Variants in KLF7 observed in about 807,000 individuals in gnomAD.
KLF7 encodes the protein KLF transcription factor 7, also known as Krueppel-like factor 7.
A neutral mutation model predicts 27.3 loss-of-function variants in KLF7; 2 were observed. The ratio of observed to expected loss-of-function variants is 0.07; its 90% CI spans 0.03 to 0.23. The LOEUF (loss-of-function observed/expected upper bound fraction) is 0.23, where lower values mean the gene tolerates loss of function less well. Ranked by LOEUF, KLF7 falls within the 10% of genes least tolerant of loss-of-function variation. KLF7 has a pLI of 1.00. For synonymous variants in KLF7, 165 were observed against 162.4 expected, an observed-to-expected ratio of 1.02 and a Z score of -0.12; for missense variants, 221 against 394.1, an observed-to-expected ratio of 0.56 and a Z score of 3.72.
chr2:207,097,732 C>T (rs6759901), intron 2 of KLF7, among the ~76,000 whole-genome samples: 75,797 of 152,122 alleles, frequency 0.5, 20,070 homozygotes, highest in Middle Eastern at 0.65. Flanking sequence ...GATGCTGAAA[C>T]AAATTTAGCT....
intron 2 of KLF7, among the ~76,000 whole-genome samples, chr2:207,103,023 G>A (rs1306066058): frequency 6.6e-6 from 1 of 152,164 alleles, no homozygotes; most frequent in African/African-American, 2.4e-5. Flanking sequence ...CCCCTCCCTG[G>A]TTCAAGTGAT....
chr2:207,140,133 C>G (rs1282514830), intron 1 of KLF7, among the ~76,000 whole-genome samples: 1 of 152,128 alleles, frequency 6.6e-6, no homozygotes, highest in African/African-American at 2.4e-5. Flanking sequence ...GTGGTCCGCC[C>G]ACCTCGGCCT....
chr2:207,114,097 C>T (rs1559132414), intron 2 of KLF7, among the ~76,000 whole-genome samples: 3 of 152,206 alleles, frequency 2.0e-5, no homozygotes, highest in African/African-American at 7.2e-5. Context: ...TAATACATAC[C>T]GTCATTTTGC....
upstream of KLF7, chr2:207,167,057 G>A: frequency 8.3e-7 from 1 of 1,204,856 alleles, no homozygotes; most frequent in Non-Finnish European, 1.1e-6. Flanking sequence ...GTGCGTTAAA[G>A]AGGCTAGAGG....
intron 1 of KLF7, among the ~76,000 whole-genome samples, chr2:207,161,107 C>T (rs918364265): frequency 6.6e-6 from 1 of 152,166 alleles, no homozygotes; most frequent in Non-Finnish European, 1.5e-5. Flanking sequence ...ATGTTTGAAG[C>T]CCCTAAATCT....
intron 1 of KLF7, among the ~76,000 whole-genome samples, chr2:207,165,197 C>T (rs768476110): frequency 3.9e-5 from 6 of 152,086 alleles, no homozygotes; most frequent in Non-Finnish European, 7.4e-5. Flanking sequence ...ACAGCAAACC[C>T]GACAACGTGT....
chr2:207,124,903 A>G (rs2077439664), intron 1 of KLF7, among the ~76,000 whole-genome samples: 3 of 152,230 alleles, frequency 2.0e-5, no homozygotes, highest in Admixed American at 2.0e-4. Context: ...GTTCACTCAA[A>G]CTAAGAGGTG....
At chr2:207,162,651 T>C (rs2078582860) in intron 1 of KLF7, among the ~76,000 whole-genome samples, 2 of 152,242 alleles carry the variant, frequency 1.3e-5, no homozygotes, top group Non-Finnish European at 2.9e-5. Flanking sequence ...GTCAGTGACT[T>C]TGTCACAGGC....
upstream of KLF7, chr2:207,167,118 G>C: frequency 1.4e-6 from 2 of 1,431,412 alleles, no homozygotes; most frequent in Non-Finnish European, 1.8e-6. Flanking sequence ...TTGCGAGGGG[G>C]CCTTTACGTG....
chr2:207,126,164 G>C (rs2077471333), intron 1 of KLF7, among the ~76,000 whole-genome samples: 1 of 152,078 alleles, frequency 6.6e-6, no homozygotes, highest in African/African-American at 2.4e-5. Context: ...CTTCTTTTCT[G>C]AACTCCACTT....
Position 207,108,017 on chromosome 2 carries a change from C to T in KLF7, c.733+15757G>A, listed in dbSNP as rs201101265. On this transcript the variant is annotated intron_variant, in intron 2 of 3. Transcript: ENST00000309446. ...AACAGATTTTTAAAAAAATGCTTAA[C>T]GGTGAGCTTGTGGTAATTGATCCCA... Among the ~76,000 whole-genome samples, 46 of 152,298 alleles carry T rather than the reference C, an allele frequency of 3.0e-4. No individual in the cohort carries two copies. The East Asian group carries it at 3.3e-3, about 11-fold the overall frequency.
At position 207,159,173 on chromosome 2, in the gene KLF7, A is replaced by G. The variant is rs1356575568; in HGVS notation, c.102+6294T>C. Among the ~76,000 whole-genome samples the G allele has an allele frequency of 2.6e-5, 4 of 152,244 alleles. No individual in the cohort carries two copies. In the East Asian group the frequency reaches 7.7e-4, roughly 29 times the overall value. ...AAAAATAGATATCGCATATGGCTCTACGTTATTTTAATTACCTCTAATCAT... is the reference window on the plus strand; with the variant it reads ...AAAAATAGATATCGCATATGGCTCTGCGTTATTTTAATTACCTCTAATCAT... On this transcript the variant is annotated intron_variant, in intron 1 of 3. Transcript: ENST00000309446.
At chr2:207,135,316 TAA>T (rs11286796) in intron 1 of KLF7, among the ~76,000 whole-genome samples, 4 of 148,334 alleles carry the variant, frequency 2.7e-5, no homozygotes, top group Admixed American at 6.7e-5. Flanking sequence ...ATTGAGTGGT[TAA>T]AAAAAAAAAG....
chr2:207,088,677 G>C, intron 2 of KLF7, 96 bp from the exon 3 acceptor site: 1 of 1,390,624 alleles, frequency 7.2e-7, no homozygotes, highest in African/African-American at 1.4e-5. Flanking sequence ...CTTGGGAAAG[G>C]GCTGTTTAAC....
intron 1 of KLF7, among the ~76,000 whole-genome samples, chr2:207,125,651 ACT>A (rs1347590680): frequency 1.3e-5 from 2 of 152,176 alleles, no homozygotes; most frequent in African/African-American, 4.8e-5. Context: ...TTCTGGTAAA[ACT>A]CTGCATTACT....
chr2:207,098,916 A>G (rs1188270422), intron 2 of KLF7, among the ~76,000 whole-genome samples: 3 of 149,508 alleles, frequency 2.0e-5, no homozygotes, highest in Non-Finnish European at 2.9e-5. Flanking sequence ...CACTGTGTCT[A>G]TTCCCAAACT....
intron 2 of KLF7, among the ~76,000 whole-genome samples, chr2:207,115,935 G>GT (rs2077169691): frequency 1.3e-5 from 2 of 152,342 alleles, no homozygotes; most frequent in African/African-American, 4.8e-5. Flanking sequence ...TGCTGTGAAG[G>GT]ATAGAGGAAA....
intron 2 of KLF7, chr2:207,121,497 C>G (rs1168695900): frequency 1.3e-5 from 2 of 152,258 alleles, no homozygotes; most frequent in Non-Finnish European, 2.9e-5. Context: ...ACACAATTGT[C>G]TCTACTTTAG....
intron 1 of KLF7, among the ~76,000 whole-genome samples, chr2:207,151,706 T>A (rs1367999403): frequency 2.8e-5 from 4 of 143,546 alleles, no homozygotes; most frequent in African/African-American, 7.8e-5. Flanking sequence ...CAAATAGTCA[T>A]TGGTTTTGAA....
Sources: gnomAD v4.1 joint callset for allele counts (sites outside exome capture counted in the v4.1 genomes callset) on GRCh38, gnomAD v4.1.1 for gene constraint, MANE v1.5 for transcripts, NCBI Gene and HGNC (gene_info 2026-07-23, HGNC 2026-07-21) for gene names.